The following MAGI2 variants were observed in gnomAD, a reference collection of about 807,000 sequenced individuals.
The protein encoded by MAGI2 is membrane associated guanylate kinase, WW and PDZ domain containing 2, also known as membrane-associated guanylate kinase, WW and PDZ domain-containing protein 2.
MAGI2 carries 35 observed loss-of-function variants against 133.3 expected under a neutral mutation model. The observed-to-expected ratio is 0.26, with a 90% CI of 0.20 to 0.35. MAGI2 has a LOEUF of 0.35. Among genes scored for constraint, MAGI2 ranks in the 10% least tolerant of loss-of-function variants. MAGI2 has a pLI of 1.00. For synonymous variants in MAGI2, 729 were observed against 710.6 expected, an observed-to-expected ratio of 1.03 and a Z score of -0.41; for missense variants, 1,636 against 1,863.4, an observed-to-expected ratio of 0.88 and a Z score of 2.25.
intron 1 of MAGI2, among the ~76,000 whole-genome samples, chr7:79,061,676 A>G (rs1274839636): frequency 6.6e-6 from 1 of 152,138 alleles, no homozygotes; most frequent in African/African-American, 2.4e-5. Flanking sequence ...TTGTATGCCA[A>G]TAACAGTAGA....
At position 78,133,141 on chromosome 7, in the gene MAGI2, G is replaced by A. The variant is rs558227886; in HGVS notation, c.3032-81C>T. On this transcript the variant is annotated intron_variant, in intron 17 of 21. Coordinates refer to ENST00000354212, the MANE Select transcript of MAGI2 (RefSeq NM_012301.4). Reference sequence around the variant, plus strand: ...AGAAGTGACTAGAGGCAGTGACTTTGCCTCTGCTGATGGCTCAGGCTTTGG... The same window carrying A: ...AGAAGTGACTAGAGGCAGTGACTTTACCTCTGCTGATGGCTCAGGCTTTGG... The A allele has an allele frequency of 4.6e-5, 51 of 1,114,282 alleles. No homozygotes were observed. In the South Asian group the frequency reaches 4.6e-4, roughly 10 times the overall value. The allele number at this position is 1,114,282 out of a possible 1,614,324, so 69.0% of individuals were successfully genotyped here.
intron 1 of MAGI2, among the ~76,000 whole-genome samples, chr7:79,402,140 T>A (rs1057038046): frequency 6.6e-6 from 1 of 152,144 alleles, no homozygotes; most frequent in African/African-American, 2.4e-5. Context: ...TTTAGTTCTT[T>A]TTTTAAGGCT....
intron 9 of MAGI2, among the ~76,000 whole-genome samples, chr7:78,343,366 A>T (rs16885940): frequency 0.051 from 7,827 of 152,276 alleles, 242 homozygotes; most frequent in South Asian, 0.13. Flanking sequence ...TGAGATGGGC[A>T]TGTATATTTC....
intron 2 of MAGI2, among the ~76,000 whole-genome samples, chr7:78,796,879 A>C (rs1014083988): frequency 1.3e-5 from 2 of 152,180 alleles, no homozygotes; most frequent in Non-Finnish European, 2.9e-5. Flanking sequence ...AGCCAGGCAC[A>C]GAAAGACAAA....
chr7:78,202,767 G>A (rs1829378647), intron 10 of MAGI2, among the ~76,000 whole-genome samples: 1 of 149,572 alleles, frequency 6.7e-6, no homozygotes, highest in African/African-American at 2.5e-5. Context: ...TACACTTAAT[G>A]TTTAGGGGTA....
At chr7:78,227,798 T>C (rs777310680) in intron 10 of MAGI2, among the ~76,000 whole-genome samples, 22 of 152,166 alleles carry the variant, frequency 1.4e-4, no homozygotes, top group South Asian at 1.2e-3. Context: ...TTGTCTTCTC[T>C]GTCACCTGAG....
chr7:79,366,174 C>T (rs1441811682), intron 1 of MAGI2, among the ~76,000 whole-genome samples: 3 of 151,502 alleles, frequency 2.0e-5, no homozygotes, highest in Non-Finnish European at 4.4e-5. Flanking sequence ...CCCAGGAAGT[C>T]GAGGTGGCAG....
At chr7:78,306,193 T>C (rs1013559570) in intron 9 of MAGI2, among the ~76,000 whole-genome samples, 2 of 152,196 alleles carry the variant, frequency 1.3e-5, no homozygotes, top group African/African-American at 4.8e-5. Flanking sequence ...GAAAGGCTAA[T>C]TGGCAGGTCT....
chr7:78,841,322 A>C (rs1330101874), intron 2 of MAGI2, among the ~76,000 whole-genome samples: 2 of 152,160 alleles, frequency 1.3e-5, no homozygotes, highest in African/African-American at 4.8e-5. Flanking sequence ...CCTGGTCCTA[A>C]GTTGGGGTGG....
At chr7:79,136,164 C>T (rs1821555809) in intron 1 of MAGI2, among the ~76,000 whole-genome samples, 1 of 151,926 alleles carries the variant, frequency 6.6e-6, no homozygotes. Context: ...TTACTTTTAA[C>T]ATTTAAATTT....
intron 1 of MAGI2, among the ~76,000 whole-genome samples, chr7:79,007,907 C>CT (rs1237490522): frequency 6.7e-6 from 1 of 150,018 alleles, no homozygotes; most frequent in Admixed American, 6.6e-5. Context: ...TTTTTTTTTC[C>CT]TTTTTTCAAT....
chr7:79,108,069 T>C (rs926183820), intron 1 of MAGI2, among the ~76,000 whole-genome samples: 1 of 152,152 alleles, frequency 6.6e-6, no homozygotes, highest in Non-Finnish European at 1.5e-5. Context: ...ATAGAGCAAT[T>C]CTCAACATCA....
rs530649788 is a variant in MAGI2, at chr7:78,020,094, G to A, written c.3707-118C>T. The A allele has an allele frequency of 1.8e-4, 159 of 897,174 alleles. No homozygotes were observed. In the East Asian group the frequency reaches 1.8e-3, roughly 10 times the overall value. The allele number at this position is 897,174 out of a possible 1,614,324, so 55.6% of individuals were successfully genotyped here. A position where few individuals can be genotyped will look rare whatever the true frequency, so the allele number is the denominator to read the frequency against. On this transcript the variant is annotated intron_variant, in intron 21 of 21. Coordinates refer to ENST00000354212, the MANE Select transcript of MAGI2 (RefSeq NM_012301.4). ...ATTGCTCTCAGGGGCCGGAGCCACCGCCGCCCCCACCCCCACCCCCACCCT... is the reference window on the plus strand; with the variant it reads ...ATTGCTCTCAGGGGCCGGAGCCACCACCGCCCCCACCCCCACCCCCACCCT...
At chr7:78,998,040 G>T (rs900739892) in intron 2 of MAGI2, among the ~76,000 whole-genome samples, 1 of 151,996 alleles carries the variant, frequency 6.6e-6, no homozygotes, top group Admixed American at 6.6e-5. Flanking sequence ...ATTTACTAAC[G>T]CTGGACCATA....
At chr7:79,079,082 A>G (rs751745030) in intron 1 of MAGI2, among the ~76,000 whole-genome samples, 1 of 151,982 alleles carries the variant, frequency 6.6e-6, no homozygotes, top group Non-Finnish European at 1.5e-5. Context: ...ATTTCTCCCA[A>G]TCTCAATTCC....
At position 78,152,529 on chromosome 7, in the gene MAGI2, C is replaced by G. The variant is rs552862571; in HGVS notation, c.2845+7496G>C. 2.0e-5 allele frequency among the ~76,000 whole-genome samples: 3 copies of G among 152,308 alleles called. No individual in the cohort carries two copies. In the South Asian group the frequency reaches 6.2e-4, roughly 32 times the overall value. The stretch of plus-strand genomic sequence containing the variant: ...CATTAGCAACGATCTACCACTCCCC[C>G]CTTAGCCCCTGGCTACCTCATGGAA... On this transcript the variant is annotated intron_variant, in intron 16 of 21. Coordinates refer to ENST00000354212, the MANE Select transcript of MAGI2 (RefSeq NM_012301.4).
chr7:79,007,175 G>A lies in MAGI2; in HGVS notation c.333C>T (p.Tyr111=), dbSNP rs771137027. ...AACCCTTTTGAAATCGTAAGTTGAGGTAGTGACGAAGGTCTTTATCAACAA... is the reference window on the plus strand; with the variant it reads ...AACCCTTTTGAAATCGTAAGTTGAGATAGTGACGAAGGTCTTTATCAACAA... ...GGIVDKDLRH[Y]LNLRFQKGSV... is the part of the protein sequence containing the mutation. The change falls in exon 2 of 22, where the codon TAC becomes TAT. Residue 111 remains tyrosine, a synonymous_variant. Coordinates refer to ENST00000354212, the MANE Select transcript of MAGI2 (RefSeq NM_012301.4). 2.5e-6 allele frequency: 4 copies of A among 1,611,746 alleles called. No homozygotes were observed. The highest frequency in any genetic ancestry group is 3.4e-6 in the Non-Finnish European group (4 of 1,179,170).
chr7:79,355,245 T>C (rs1220073480), intron 1 of MAGI2, among the ~76,000 whole-genome samples: 1 of 151,960 alleles, frequency 6.6e-6, no homozygotes, highest in Non-Finnish European at 1.5e-5. Context: ...AGACATATTC[T>C]TCCCCTGGGG....
At chr7:78,527,201 C>T (rs1584504000) in intron 3 of MAGI2, among the ~76,000 whole-genome samples, 1 of 151,998 alleles carries the variant, frequency 6.6e-6, no homozygotes, top group Admixed American at 6.6e-5. Flanking sequence ...CTAAACCTGC[C>T]AGGCAAAGTC....
Sources: gnomAD v4.1 joint callset for allele counts (sites outside exome capture counted in the v4.1 genomes callset) on GRCh38, gnomAD v4.1.1 for gene constraint, MANE v1.5 for transcripts, NCBI Gene and HGNC (gene_info 2026-07-23, HGNC 2026-07-21) for gene names.